The following SLC8A1 variants were observed in gnomAD, a reference collection of about 807,000 sequenced individuals.
SLC8A1 encodes solute carrier family 8 member A1.
A neutral mutation model predicts 68.3 loss-of-function variants in SLC8A1; 18 were observed. The observed-to-expected ratio is 0.26, with a 90% CI of 0.18 to 0.39. The LOEUF (loss-of-function observed/expected upper bound fraction) is 0.39. SLC8A1 is among the 10% of genes least tolerant of loss of function. SLC8A1 has a pLI of 1.00. For missense variants in SLC8A1, 985 were observed against 1,156.7 expected, an observed-to-expected ratio of 0.85 and a Z score of 2.15; for synonymous variants, 475 against 415.5, an observed-to-expected ratio of 1.14 and a Z score of -1.74.
chr2:40,347,058 G>A (rs1397179247), intron 2 of SLC8A1, among the ~76,000 whole-genome samples: 2 of 152,130 alleles, frequency 1.3e-5, no homozygotes, highest in Non-Finnish European at 2.9e-5. Flanking sequence ...TAGCACCAAG[G>A]CAATAGATAG....
At chr2:40,283,107 G>C (rs1365362800) in intron 2 of SLC8A1, among the ~76,000 whole-genome samples, 1 of 152,072 alleles carries the variant, frequency 6.6e-6, no homozygotes, top group Non-Finnish European at 1.5e-5. Context: ...AAGCTATTGA[G>C]GTTGTAACAG....
chr2:40,202,875 T>C (rs1379347232), intron 2 of SLC8A1, among the ~76,000 whole-genome samples: 1 of 151,996 alleles, frequency 6.6e-6, no homozygotes. Context: ...AGGTAGAATA[T>C]ATTGCTGGCT....
intron 2 of SLC8A1, among the ~76,000 whole-genome samples, chr2:40,262,896 G>A (rs1312842769): frequency 6.6e-6 from 1 of 152,164 alleles, no homozygotes; most frequent in African/African-American, 2.4e-5. Flanking sequence ...GGAGAAATGT[G>A]GGAACATAGG....
intron 7 of SLC8A1, among the ~76,000 whole-genome samples, chr2:40,138,462 A>G (rs1452431898): frequency 6.6e-6 from 1 of 152,108 alleles, no homozygotes; most frequent in Non-Finnish European, 1.5e-5. Flanking sequence ...TTGGCTTGGT[A>G]TTTGGTTAAG....
chr2:40,313,364 T>C (rs901662090), intron 2 of SLC8A1, among the ~76,000 whole-genome samples: 1 of 152,116 alleles, frequency 6.6e-6, no homozygotes, highest in Non-Finnish European at 1.5e-5. Flanking sequence ...ATATCTAGGT[T>C]GTTTTGAGTT....
In SLC8A1 at chr2:40,473,373, C is replaced by T. The variant is rs536422110; in HGVS notation, c.-25+38976G>A. 3.3e-4 allele frequency among the ~76,000 whole-genome samples: 50 copies of T among 152,302 alleles called. No individual in the cohort carries two copies. The South Asian group carries it at 9.9e-3, about 30-fold the overall frequency. On this transcript the variant is annotated intron_variant, in intron 1 of 7. Transcript: ENST00000402441. ...ATTGCTTCTGGGAATATCCATCCCT[C>T]ACTATTTAACCAGCTAACATCTCCT...
intron 1 of SLC8A1, among the ~76,000 whole-genome samples, chr2:40,496,195 T>C (rs1353779658): frequency 6.6e-6 from 1 of 152,088 alleles, no homozygotes; most frequent in African/African-American, 2.4e-5. Flanking sequence ...TTTGGGATGT[T>C]CACACTGCTC....
At chr2:40,227,541 A>G (rs1351977500) in intron 2 of SLC8A1, among the ~76,000 whole-genome samples, 2 of 152,044 alleles carry the variant, frequency 1.3e-5, no homozygotes, top group Non-Finnish European at 2.9e-5. Flanking sequence ...ACAGAGGGAA[A>G]CAACACATAC....
chr2:40,362,876 T>C (rs533754686), intron 2 of SLC8A1, among the ~76,000 whole-genome samples: 1 of 152,298 alleles, frequency 6.6e-6, no homozygotes, highest in South Asian at 2.1e-4. Context: ...TTCTTGGGAA[T>C]GCTCAGAGTG....
At chr2:40,409,636 G>A (rs1691480553) in intron 2 of SLC8A1, among the ~76,000 whole-genome samples, 1 of 152,070 alleles carries the variant, frequency 6.6e-6, no homozygotes. Flanking sequence ...TGGAGGTGGT[G>A]GCATATAATG....
At chr2:40,414,602 T>G (rs1303003393) in intron 2 of SLC8A1, among the ~76,000 whole-genome samples, 2 of 152,220 alleles carry the variant, frequency 1.3e-5, no homozygotes, top group Non-Finnish European at 2.9e-5. Flanking sequence ...TTAACTAAAA[T>G]ATTAAATTCT....
intron 3 of SLC8A1, among the ~76,000 whole-genome samples, chr2:40,177,414 G>A (rs1024317510): frequency 3.9e-5 from 6 of 152,120 alleles, no homozygotes; most frequent in African/African-American, 9.7e-5. Flanking sequence ...TAAAATTTTA[G>A]GGAAGATTTA....
intron 2 of SLC8A1, among the ~76,000 whole-genome samples, chr2:40,233,930 G>A (rs1245347495): frequency 3.0e-4 from 46 of 151,776 alleles, no homozygotes; most frequent in Admixed American, 9.8e-4. Context: ...TATTTCTGAG[G>A]GCTCTGTTCT....
intron 2 of SLC8A1, among the ~76,000 whole-genome samples, chr2:40,292,245 A>C (rs965609424): frequency 6.6e-6 from 1 of 152,102 alleles, no homozygotes; most frequent in Non-Finnish European, 1.5e-5. Context: ...GAACTTTTGT[A>C]CCCCTGATGC....
At chr2:40,422,504 G>A (rs1403349206) in intron 2 of SLC8A1, among the ~76,000 whole-genome samples, 1 of 152,014 alleles carries the variant, frequency 6.6e-6, no homozygotes, top group African/African-American at 2.4e-5. Flanking sequence ...TCCTTCCCTT[G>A]GTTAATGGTG....
chr2:40,199,039 A>G (rs2053629893), intron 2 of SLC8A1, among the ~76,000 whole-genome samples: 1 of 151,884 alleles, frequency 6.6e-6, no homozygotes, highest in South Asian at 2.1e-4. Context: ...TTAAAATCCT[A>G]TAGTAATACA....
chr2:40,345,395 T>C (rs1469251442), intron 2 of SLC8A1, among the ~76,000 whole-genome samples: 1 of 152,146 alleles, frequency 6.6e-6, no homozygotes, highest in Non-Finnish European at 1.5e-5. Context: ...AAACATGTTT[T>C]ATACCACATG....
At chr2:40,380,258 G>C (rs1279000682) in intron 2 of SLC8A1, among the ~76,000 whole-genome samples, 1 of 152,156 alleles carries the variant, frequency 6.6e-6, no homozygotes, top group African/African-American at 2.4e-5. Context: ...GACAGCAAGA[G>C]TCACACTCAT....
chr2:40,398,917 A>G (rs142894866), intron 2 of SLC8A1, among the ~76,000 whole-genome samples: 1 of 152,220 alleles, frequency 6.6e-6, no homozygotes, highest in Non-Finnish European at 1.5e-5. Flanking sequence ...AGTGTGGCTT[A>G]TCAAGAAACA....
Sources: allele counts gnomAD v4.1 joint callset (sites outside exome capture counted in the v4.1 genomes callset), GRCh38; gene constraint gnomAD v4.1.1; transcripts MANE v1.5; gene names NCBI Gene and HGNC (gene_info 2026-07-23, HGNC 2026-07-21).